Variants in B3GAT1 observed in about 807,000 individuals in gnomAD.
B3GAT1 encodes the protein galactosylgalactosylxylosylprotein 3-beta-glucuronosyltransferase 1.
B3GAT1 carries 11 observed loss-of-function variants against 28.4 expected under a neutral mutation model. The observed-to-expected ratio is 0.39, with a 90% CI of 0.24 to 0.64. The LOEUF is 0.64. Ranked by LOEUF, B3GAT1 falls within the 30% of genes least tolerant of loss-of-function variation. The pLI, the probability that B3GAT1 is intolerant of heterozygous loss-of-function variation, is 0.50. For missense variants in B3GAT1, 375 were observed against 491.0 expected (o/e 0.76, Z 2.23); for synonymous variants, 255 against 223.1 (o/e 1.14, Z -1.27).
At chr11:134,403,210 C>A (rs886657054) in intron 1 of B3GAT1, among the ~76,000 whole-genome samples, 1 of 152,102 alleles carries the variant, frequency 6.6e-6, no homozygotes. Context: ...GAGGGGATCT[C>A]CAGGCTCTCC....
chr11:134,409,233 G>C (rs141030320), intron 1 of B3GAT1, among the ~76,000 whole-genome samples: 1,631 of 152,264 alleles, frequency 0.011, 9 homozygotes, highest in Non-Finnish European at 0.016. Context: ...AGACAGCCTG[G>C]CCAAGGGCCT....
intron 1 of B3GAT1, among the ~76,000 whole-genome samples, chr11:134,400,063 G>A (rs531736820): frequency 1.1e-4 from 17 of 152,260 alleles, no homozygotes; most frequent in Non-Finnish European, 1.8e-4. Flanking sequence ...CCTTGGCGCT[G>A]TTGTCTCTGT....
At chr11:134,396,732 G>A (rs1304367219) in intron 1 of B3GAT1, among the ~76,000 whole-genome samples, 1 of 152,274 alleles carries the variant, frequency 6.6e-6, no homozygotes, top group South Asian at 2.1e-4. Flanking sequence ...GGGTCTGCTC[G>A]GCCTGGCTTC....
At chr11:134,387,227 C>T (rs1944309283) in intron 2 of B3GAT1, 3 of 305,792 alleles carry the variant, frequency 9.8e-6, no homozygotes, top group South Asian at 1.2e-4. Context: ...CCCCTCCCTT[C>T]ACTTCCCACC....
At chr11:134,409,536 C>T (rs1944809586) in intron 1 of B3GAT1, among the ~76,000 whole-genome samples, 2 of 152,220 alleles carry the variant, frequency 1.3e-5, no homozygotes, top group Admixed American at 1.3e-4. Context: ...CCTGGCCTCC[C>T]TCTGCCTTTG....
intron 1 of B3GAT1, among the ~76,000 whole-genome samples, chr11:134,398,186 A>G (rs1237000639): frequency 6.6e-6 from 1 of 152,210 alleles, no homozygotes; most frequent in Non-Finnish European, 1.5e-5. Flanking sequence ...TGCATGTGTG[A>G]TCATGGCCGG....
At chr11:134,408,370 G>T (rs1944777592) in intron 1 of B3GAT1, among the ~76,000 whole-genome samples, 1 of 112,240 alleles carries the variant, frequency 8.9e-6, no homozygotes, top group Non-Finnish European at 1.8e-5. Context: ...GTGGGGTGAG[G>T]AGGGAGGTGG....
At chr11:134,403,061 G>A (rs900912325) in intron 1 of B3GAT1, among the ~76,000 whole-genome samples, 3 of 152,192 alleles carry the variant, frequency 2.0e-5, no homozygotes, top group African/African-American at 7.2e-5. Context: ...GCCCCTGACA[G>A]TGGAGTGTGC....
At chr11:134,403,098 T>C (rs1272320229) in intron 1 of B3GAT1, among the ~76,000 whole-genome samples, 1 of 151,984 alleles carries the variant, frequency 6.6e-6, no homozygotes, top group Non-Finnish European at 1.5e-5. Context: ...TTTCCCAGGC[T>C]ACCTATCACA....
rs1482009472 is a variant in B3GAT1, at chr11:134,387,794, C to G, written c.-135G>C. The stretch of plus-strand genomic sequence containing the variant: ...CCGGGCCGGCCAGGCATGGAGAGGA[C>G]AGAGCAGCTGAATGTTGGCTAGCAG... On this transcript the variant is annotated 5_prime_UTR_variant, in exon 2 of 6. Coordinates refer to ENST00000312527, the MANE Select transcript of B3GAT1 (RefSeq NM_054025.3). 6 of 1,539,108 alleles carry G rather than the reference C, an allele frequency of 3.9e-6. No homozygotes were observed. The Admixed American group carries it at 9.8e-5, about 25-fold the overall frequency.
intron 1 of B3GAT1, among the ~76,000 whole-genome samples, chr11:134,394,903 T>G (rs896142514): frequency 6.6e-6 from 1 of 152,252 alleles, no homozygotes; most frequent in African/African-American, 2.4e-5. Context: ...TTTGTTTTTC[T>G]TTTTTTCAGA....
At chr11:134,397,659 T>C (rs1944531094) in intron 1 of B3GAT1, among the ~76,000 whole-genome samples, 1 of 151,128 alleles carries the variant, frequency 6.6e-6, no homozygotes, top group Non-Finnish European at 1.5e-5. Context: ...CCGCGGGGGG[T>C]CCAGAGCCAG....
intron 2 of B3GAT1, chr11:134,385,462 C>G (rs555905769): frequency 6.6e-6 from 1 of 152,368 alleles, no homozygotes. Context: ...TGCTGAGGGT[C>G]GGGGGAGGAA....
Position 134,397,541 on chromosome 11 carries a change from G to GCCAGAGGGCAGTGCCCCATTCCCAC in B3GAT1, c.-281-9626_-281-9602dup, listed in dbSNP as rs1251685497. On this transcript the variant is annotated intron_variant, in intron 1 of 5. Coordinates refer to ENST00000312527, the MANE Select transcript of B3GAT1 (RefSeq NM_054025.3). ...ATTCCCACCCAGAGCCACAGGGGGG[G>GCCAGAGGGCAGTGCCCCATTCCCAC]CCAGAGGGCAGTGCCCCATTCCCAC... Among the ~76,000 whole-genome samples, 3 of 151,100 alleles carry GCCAGAGGGCAGTGCCCCATTCCCAC rather than the reference G, an allele frequency of 2.0e-5. No individual in the cohort carries two copies. The East Asian group carries it at 5.9e-4, about 30-fold the overall frequency.
chr11:134,409,685 G>T (rs920416552), intron 1 of B3GAT1: 1 of 152,146 alleles, frequency 6.6e-6, no homozygotes, highest in Non-Finnish European at 1.5e-5. Context: ...ACAGGGGGAG[G>T]CCCCCAGCCT....
At chr11:134,410,807 C>A (rs1329697797) in intron 1 of B3GAT1, among the ~76,000 whole-genome samples, 4 of 152,238 alleles carry the variant, frequency 2.6e-5, no homozygotes, top group Non-Finnish European at 5.9e-5. Context: ...CAGTGCTAGG[C>A]CCTACGACAT....
chr11:134,390,794 C>T (rs1275012253), intron 1 of B3GAT1: 2 of 152,298 alleles, frequency 1.3e-5, no homozygotes, highest in Non-Finnish European at 2.9e-5. Flanking sequence ...GGCCATCTGG[C>T]TCTATGCTGT....
chr11:134,384,599 G>A (rs747024661), intron 2 of B3GAT1: 10 of 181,518 alleles, frequency 5.5e-5, no homozygotes, highest in Admixed American at 1.2e-4. Context: ...AGAGCACGTG[G>A]CACTGCCCCG....
intron 2 of B3GAT1, chr11:134,385,990 G>C (rs544718161): frequency 6.6e-6 from 1 of 152,208 alleles, no homozygotes; most frequent in Non-Finnish European, 1.5e-5. Flanking sequence ...ATATCATGTC[G>C]CTTTATATAT....
Sources: allele counts gnomAD v4.1 joint callset (sites outside exome capture counted in the v4.1 genomes callset), GRCh38; gene constraint gnomAD v4.1.1; transcripts MANE v1.5; gene names NCBI Gene and HGNC (gene_info 2026-07-23, HGNC 2026-07-21).